Variants in ABCB5 observed in about 807,000 individuals in gnomAD.
ABCB5 encodes ATP-binding cassette sub-family B member 5.
In ABCB5, 155 loss-of-function variants were observed where a neutral mutation model predicts 144.2. The observed-to-expected ratio is 1.08, with a 90% CI of 0.94 to 1.23. The LOEUF is 1.23. ABCB5 is among the 50% of genes most tolerant of loss of function. The pLI is 0.00. For synonymous variants in ABCB5, 610 were observed against 528.6 expected (o/e 1.15, Z -2.11); for missense variants, 1,830 against 1,520.8 (o/e 1.20, Z -3.38).
chr7:20,618,770 T>TC (rs1009611497), intron 1 of ABCB5, among the ~76,000 whole-genome samples: 1 of 122,500 alleles, frequency 8.2e-6, no homozygotes, highest in Non-Finnish European at 1.7e-5. Context: ...TTTTCTTTTT[T>TC]TTTTTTTTTT....
At chr7:20,742,202 C>T (rs1427168802) in intron 24 of ABCB5, among the ~76,000 whole-genome samples, 2 of 151,512 alleles carry the variant, frequency 1.3e-5, no homozygotes, top group Non-Finnish European at 2.9e-5. Context: ...AGTGAAAACC[C>T]ATCTCTACTA....
chr7:20,745,630 AC>A (rs1170540782), intron 26 of ABCB5, among the ~76,000 whole-genome samples, 192 bp downstream of exon 26: 1 of 152,220 alleles, frequency 6.6e-6, no homozygotes, highest in Non-Finnish European at 1.5e-5. Flanking sequence ...CGATTTTCCT[AC>A]GACCAAAATG....
At position 20,715,724 on chromosome 7, in the gene ABCB5, ATC is replaced by A. The variant is rs1428043744; in HGVS notation, c.2422-7290_2422-7289del. Among the ~76,000 whole-genome samples, 714 of 144,088 alleles carry A rather than the reference ATC, an allele frequency of 5.0e-3. 7 individuals carry two copies. Among genetic ancestry groups the A allele is most frequent in the African/African-American group, 0.019 (680 of 36,520 alleles). The allele number at this position is 144,088 out of a possible 152,430, so 94.5% of individuals were successfully genotyped here. On this transcript the variant is annotated intron_variant, in intron 20 of 27. Coordinates refer to ENST00000404938, the MANE Select transcript of ABCB5 (RefSeq NM_001163941.2). ...CGCACCCAGCCTAGAGCGAGCTATA[ATC>A]TTTTTTTTTTTTTTTGAGACAGTCT...
chr7:20,755,770 A>G lies in ABCB5; in HGVS notation c.*146A>G. 2 of 760,824 alleles carry G rather than the reference A, an allele frequency of 2.6e-6. No individual in the cohort carries two copies. The highest frequency in any genetic ancestry group is 4.1e-6 in the Non-Finnish European group (2 of 492,356). The allele number at this position is 760,824 out of a possible 1,614,324, so 47.1% of individuals were successfully genotyped here. On this transcript the variant is annotated 3_prime_UTR_variant, in exon 28 of 28. Transcript: ENST00000404938. ...AAGTACATACATGTTCTATTCACACACCATCTGACCTTCAGATTTTTAAAA... is the reference window on the plus strand; with the variant it reads ...AAGTACATACATGTTCTATTCACACGCCATCTGACCTTCAGATTTTTAAAA...
intron 21 of ABCB5, among the ~76,000 whole-genome samples, chr7:20,725,245 G>C (rs1781998950): frequency 6.6e-6 from 1 of 152,166 alleles, no homozygotes; most frequent in African/African-American, 2.4e-5. Flanking sequence ...TTCTTCAGTT[G>C]CATGTGTAGA....
At position 20,645,998 on chromosome 7, in the gene ABCB5, A is replaced by G; in HGVS notation, c.841A>G (p.Ile281Val). 3 of 1,613,814 alleles carry G rather than the reference A, an allele frequency of 1.9e-6. No homozygotes were observed. Among genetic ancestry groups the G allele is most frequent in the Non-Finnish European group, 8.5e-7 (1 of 1,179,794 alleles). The change falls in exon 9 of 28, where the codon ATA (isoleucine) becomes GTA (valine). Residue 281 changes from isoleucine (I) to valine (V), a missense_variant. Coordinates refer to ENST00000404938, the MANE Select transcript of ABCB5 (RefSeq NM_001163941.2). Reference protein sequence around the residue: ...QNLKDAKDFGIKRTIASKVSL... With the variant: ...QNLKDAKDFGVKRTIASKVSL... ...TCTCAAAGATGCAAAGGATTTTGGCATAAAAAGGACTATAGCTTCAAAAGT... is the reference window on the plus strand; with the variant it reads ...TCTCAAAGATGCAAAGGATTTTGGCGTAAAAAGGACTATAGCTTCAAAAGT...
rs529805781 is a variant in ABCB5, at chr7:20,685,291, C to T, written c.1870-405C>T. On this transcript the variant is annotated intron_variant, in intron 15 of 27. Coordinates refer to ENST00000404938, the MANE Select transcript of ABCB5 (RefSeq NM_001163941.2). Reference sequence around the variant, plus strand: ...TGTCTCCCAAGGTCTCTCTCAGGCCCAGCCTCACATATAAGTACCCAACTA... The same window carrying T: ...TGTCTCCCAAGGTCTCTCTCAGGCCTAGCCTCACATATAAGTACCCAACTA... 6.0e-4 allele frequency among the ~76,000 whole-genome samples: 91 copies of T among 152,296 alleles called. 1 individual carries two copies. The South Asian group carries it at 6.6e-3, about 11-fold the overall frequency.
intron 23 of ABCB5, among the ~76,000 whole-genome samples, chr7:20,731,369 A>T (rs77788672): frequency 0.35 from 42,740 of 122,766 alleles, 7,589 homozygotes; most frequent in East Asian, 0.42. Flanking sequence ...AAAAAAAAAA[A>T]ATATATATAT....
chr7:20,663,713 C>CTTT (rs34871735), intron 14 of ABCB5, among the ~76,000 whole-genome samples: 15 of 107,504 alleles, frequency 1.4e-4, no homozygotes, highest in Non-Finnish European at 2.6e-4. Context: ...TTATGTTAGG[C>CTTT]TTTTTTTTTT....
At chr7:20,692,955 A>C (rs1562565157) in intron 16 of ABCB5, among the ~76,000 whole-genome samples, 1 of 152,342 alleles carries the variant, frequency 6.6e-6, no homozygotes, top group African/African-American at 2.4e-5. Flanking sequence ...ACTAAATCTT[A>C]GTAGAACAAG....
intron 19 of ABCB5, among the ~76,000 whole-genome samples, chr7:20,703,808 G>A (rs768236159): frequency 6.6e-6 from 1 of 152,040 alleles, no homozygotes; most frequent in Admixed American, 6.6e-5. Flanking sequence ...AAATAAAATT[G>A]GTTATTACAT....
At chr7:20,626,509 A>G in intron 2 of ABCB5, 48 bp from the exon 3 acceptor site, 2 of 1,546,822 alleles carry the variant, frequency 1.3e-6, no homozygotes, top group South Asian at 2.5e-5. Context: ...AAATTTTGCA[A>G]ATTATATTCA....
Position 20,707,801 on chromosome 7 carries a change from C to CTTTTTTTTTTTT in ABCB5, c.2421+3005_2421+3016dup, listed in dbSNP as rs67014566. Among the ~76,000 whole-genome samples, 100 of 93,060 alleles carry CTTTTTTTTTTTT rather than the reference C, an allele frequency of 1.1e-3. 5 individuals carry two copies. Among genetic ancestry groups the CTTTTTTTTTTTT allele is most frequent in the African/African-American group, 1.7e-3 (40 of 23,620 alleles). The allele number at this position is 93,060 out of a possible 152,430, so 61.1% of individuals were successfully genotyped here. On this transcript the variant is annotated intron_variant, in intron 20 of 27. Transcript: ENST00000404938. The stretch of plus-strand genomic sequence containing the variant: ...TACCTGGACAATGGTAACCTCATTT[C>CTTTTTTTTTTTT]TTTTTTTTTTTTTTTTTTTTTTGAG...
chr7:20,706,595 G>A (rs946708366), intron 20 of ABCB5, among the ~76,000 whole-genome samples: 17 of 152,192 alleles, frequency 1.1e-4, no homozygotes, highest in Non-Finnish European at 2.2e-4. Context: ...TTAAGTGCTG[G>A]TCTCACAATA....
intron 16 of ABCB5, among the ~76,000 whole-genome samples, chr7:20,688,136 T>A (rs1446219995): frequency 6.6e-6 from 1 of 152,076 alleles, no homozygotes; most frequent in Non-Finnish European, 1.5e-5. Flanking sequence ...GAGGTTGCAG[T>A]GAGCTAAGAT....
intron 14 of ABCB5, among the ~76,000 whole-genome samples, chr7:20,661,728 T>C (rs1785010223): frequency 6.6e-6 from 1 of 151,794 alleles, no homozygotes; most frequent in Non-Finnish European, 1.5e-5. Flanking sequence ...AGAGACAGGG[T>C]TTCACCATGT....
chr7:20,733,314 T>G (rs1782281692), intron 23 of ABCB5, among the ~76,000 whole-genome samples: 2 of 152,180 alleles, frequency 1.3e-5, no homozygotes, highest in South Asian at 4.1e-4. Flanking sequence ...GGCTGATTCC[T>G]CACATATAAA....
At position 20,690,920 on chromosome 7, in the gene ABCB5, A is replaced by T. The variant is rs114442090; in HGVS notation, c.2010+5084A>T. Among the ~76,000 whole-genome samples, 1,519 of 152,302 alleles carry T rather than the reference A, an allele frequency of 1.0e-2. 20 individuals carry two copies. The highest frequency in any genetic ancestry group is 0.035 in the African/African-American group (1,451 of 41,562). ...CTGCCGTGAAGAATCACATAAAATTAGAGATTTTCACTTTCAACCAAGATA... is the reference window on the plus strand; with the variant it reads ...CTGCCGTGAAGAATCACATAAAATTTGAGATTTTCACTTTCAACCAAGATA... On this transcript the variant is annotated intron_variant, in intron 16 of 27. Coordinates refer to ENST00000404938, the MANE Select transcript of ABCB5 (RefSeq NM_001163941.2).
chr7:20,659,720 T>C, intron 14 of ABCB5: 1 of 986,398 alleles, frequency 1.0e-6, no homozygotes, highest in Non-Finnish European at 1.2e-6. Context: ...GATCTGTATT[T>C]AGACTATATT....
Sources: allele counts gnomAD v4.1 joint callset (sites outside exome capture counted in the v4.1 genomes callset), GRCh38; gene constraint gnomAD v4.1.1; transcripts MANE v1.5; gene names NCBI Gene and HGNC (gene_info 2026-07-23, HGNC 2026-07-21).